Variants in REEP1 observed in about 807,000 individuals in gnomAD.
The protein encoded by REEP1 is receptor expression-enhancing protein 1.
In REEP1, 22 loss-of-function variants were observed where a neutral mutation model predicts 40.3. That is an observed-to-expected ratio of 0.55 (90% confidence interval 0.39 to 0.78). The LOEUF is 0.78. Among genes scored for constraint, REEP1 ranks in the 30% least tolerant of loss-of-function variants. The pLI, the probability that REEP1 is intolerant of heterozygous loss-of-function variation, is 0.00. For missense variants in REEP1, 280 were observed against 361.1 expected, an observed-to-expected ratio of 0.78 and a Z score of 1.82; for synonymous variants, 116 against 139.2, an observed-to-expected ratio of 0.83 and a Z score of 1.17.
At chr2:86,288,635 G>A (rs567348598) in intron 1 of REEP1, among the ~76,000 whole-genome samples, 1 of 152,294 alleles carries the variant, frequency 6.6e-6, no homozygotes, top group Non-Finnish European at 1.5e-5. Context: ...TCTACATAGT[G>A]TGGAACTGCT....
At chr2:86,316,496 C>T (rs563253398) in intron 1 of REEP1, among the ~76,000 whole-genome samples, 132 of 139,088 alleles carry the variant, frequency 9.5e-4, no homozygotes, top group African/African-American at 3.4e-3. Flanking sequence ...TGCAGTGAGC[C>T]GAGATCGTGC....
At chr2:86,292,035 A>G (rs1212998678) in intron 1 of REEP1, among the ~76,000 whole-genome samples, 1 of 152,184 alleles carries the variant, frequency 6.6e-6, no homozygotes, top group Non-Finnish European at 1.5e-5. Context: ...AATTGTAGAG[A>G]TTCCTATTCT....
At chr2:86,245,711 G>A (rs756982550) in intron 5 of REEP1, among the ~76,000 whole-genome samples, 2 of 151,414 alleles carry the variant, frequency 1.3e-5, no homozygotes, top group African/African-American at 4.9e-5. Context: ...TGTCGCCACC[G>A]GACTTCAGCT....
At chr2:86,275,112 C>G (rs1275243044) in intron 2 of REEP1, among the ~76,000 whole-genome samples, 1 of 152,148 alleles carries the variant, frequency 6.6e-6, no homozygotes, top group East Asian at 1.9e-4. Context: ...TGCGCTTCAG[C>G]CTCACAGGGA....
At chr2:86,267,998 T>A (rs955058589) in intron 2 of REEP1, among the ~76,000 whole-genome samples, 8 of 151,530 alleles carry the variant, frequency 5.3e-5, no homozygotes, top group African/African-American at 1.9e-4. Context: ...GGGAAGCTCC[T>A]CAACTTGATA....
At chr2:86,258,584 G>A (rs908870870) in intron 3 of REEP1, among the ~76,000 whole-genome samples, 1 of 152,104 alleles carries the variant, frequency 6.6e-6, no homozygotes, top group Non-Finnish European at 1.5e-5. Context: ...ACAAAACCAG[G>A]TCCTTGCCAG....
chr2:86,285,990 G>C (rs1189872468), intron 1 of REEP1, among the ~76,000 whole-genome samples: 1 of 152,170 alleles, frequency 6.6e-6, no homozygotes, highest in African/African-American at 2.4e-5. Context: ...GGTTATCTCT[G>C]AACGGAGCTT....
intron 1 of REEP1, among the ~76,000 whole-genome samples, chr2:86,309,549 G>C (rs768401247): frequency 6.6e-6 from 1 of 152,350 alleles, no homozygotes; most frequent in Admixed American, 6.5e-5. Context: ...CTACAGACGG[G>C]ATGGCTTAAA....
intron 2 of REEP1, among the ~76,000 whole-genome samples, chr2:86,281,239 G>A (rs1574076122): frequency 6.6e-6 from 1 of 152,238 alleles, no homozygotes. Flanking sequence ...GGTGACTAGG[G>A]CACCCAGATC....
intron 6 of REEP1, among the ~76,000 whole-genome samples, chr2:86,229,306 T>C (rs1674884668): frequency 3.3e-5 from 5 of 152,180 alleles, no homozygotes; most frequent in Admixed American, 3.3e-4. Context: ...GAGCATGCCT[T>C]GCTGTGCTGC....
intron 1 of REEP1, among the ~76,000 whole-genome samples, chr2:86,320,714 G>A (rs570289757): frequency 3.9e-4 from 59 of 152,346 alleles, no homozygotes; most frequent in African/African-American, 1.3e-3. Flanking sequence ...TTAAAAAATT[G>A]TAAATCAACG....
intron 1 of REEP1, among the ~76,000 whole-genome samples, chr2:86,312,048 C>T (rs536410285): frequency 1.3e-5 from 2 of 152,304 alleles, no homozygotes; most frequent in African/African-American, 2.4e-5. Context: ...TCATTCTCAC[C>T]GCCAAGACTC....
At chr2:86,304,608 C>G (rs1051317686) in intron 1 of REEP1, among the ~76,000 whole-genome samples, 1 of 152,186 alleles carries the variant, frequency 6.6e-6, no homozygotes, top group Non-Finnish European at 1.5e-5. Context: ...GTTAAGCAAA[C>G]AAAGACCATC....
intron 1 of REEP1, among the ~76,000 whole-genome samples, chr2:86,318,670 T>A (rs1212270884): frequency 6.6e-6 from 1 of 152,136 alleles, no homozygotes; most frequent in Non-Finnish European, 1.5e-5. Flanking sequence ...AGTGCTGGGA[T>A]TACAGGCGTG....
intron 1 of REEP1, among the ~76,000 whole-genome samples, chr2:86,332,435 A>AC (rs1491513814): frequency 8.6e-6 from 1 of 115,936 alleles, no homozygotes; most frequent in Non-Finnish European, 1.7e-5. Flanking sequence ...ACTTTCCTGG[A>AC]AACACACACA....
At chr2:86,255,874 CT>C (rs1385304955) in intron 3 of REEP1, among the ~76,000 whole-genome samples, 1 of 152,184 alleles carries the variant, frequency 6.6e-6, no homozygotes, top group Admixed American at 6.5e-5. Flanking sequence ...CCCCATTCAC[CT>C]GCTTGGCCAG....
chr2:86,265,898 C>A (rs553520862), intron 2 of REEP1, among the ~76,000 whole-genome samples: 2 of 152,154 alleles, frequency 1.3e-5, no homozygotes, highest in Non-Finnish European at 2.9e-5. Flanking sequence ...TGTAATATAT[C>A]CACGTAACAA....
chr2:86,318,127 A>G (rs890522300), intron 1 of REEP1, among the ~76,000 whole-genome samples: 6 of 152,282 alleles, frequency 3.9e-5, no homozygotes, highest in Admixed American at 3.3e-4. Flanking sequence ...ATGCATATGG[A>G]TTTTGGATAT....
chr2:86,282,342 A>C (rs1035592349), intron 1 of REEP1, 100 bp from the exon 2 acceptor site: 1 of 920,506 alleles, frequency 1.1e-6, no homozygotes, highest in Non-Finnish European at 1.8e-6. Flanking sequence ...TAAGCTACAG[A>C]AAGTGCTGCT....
Sources: allele counts gnomAD v4.1 joint callset (sites outside exome capture counted in the v4.1 genomes callset), GRCh38; gene constraint gnomAD v4.1.1; transcripts MANE v1.5; gene names NCBI Gene and HGNC (gene_info 2026-07-23, HGNC 2026-07-21).